Variants in LPCAT4 observed in about 807,000 individuals in gnomAD.
The protein encoded by LPCAT4 is lysophospholipid acyltransferase LPCAT4.
LPCAT4 carries 30 observed loss-of-function variants against 66.5 expected under a neutral mutation model. The observed-to-expected ratio is 0.45, with a 90% CI of 0.34 to 0.61. LPCAT4 has a LOEUF of 0.61. LPCAT4 is among the 20% of genes least tolerant of loss of function. The pLI is 0.01. For synonymous variants in LPCAT4, 253 were observed against 262.1 expected (o/e 0.97, Z 0.34); for missense variants, 557 against 656.7 (o/e 0.85, Z 1.66).
At chr15:34,362,108 C>G in intron 10 of LPCAT4, 88 bp downstream of exon 10, 25 of 1,484,460 alleles carry the variant, frequency 1.7e-5, no homozygotes, top group Middle Eastern at 1.8e-4. Context: ...TTAAGATTTT[C>G]CTTCTTCCTT....
At chr15:34,364,954 CTT>C (rs1891040566) in intron 3 of LPCAT4, 52 bp downstream of exon 3, 1 of 1,506,348 alleles carries the variant, frequency 6.6e-7, no homozygotes, top group African/African-American at 1.4e-5. Context: ...CCATTCCTGA[CTT>C]TTTTTGCCCA....
chr15:34,361,329 C>G (rs566382601), intron 11 of LPCAT4, 71 bp downstream of exon 11: 30 of 1,591,712 alleles, frequency 1.9e-5, no homozygotes, highest in East Asian at 1.8e-4. Context: ...GTGACTGATA[C>G]GGCCACTAGG....
intron 11 of LPCAT4, 192 bp downstream of exon 11, chr15:34,361,208 T>C (rs1396388073): frequency 6.1e-6 from 9 of 1,463,764 alleles, no homozygotes; most frequent in Non-Finnish European, 8.1e-6. Context: ...ATGATAACAT[T>C]GCTCTTCAAT....
Position 34,367,182 on chromosome 15 carries a change from C to CTCTGCAGA in LPCAT4, c.-83_-82insTCTGCAGA. Reference sequence around the variant, plus strand: ...AGAGCAGCTGCTGCTGCAGCAGCGGCGGCGGCGGCGCTCTGGCCCGGGCCC... The same window carrying CTCTGCAGA: ...AGAGCAGCTGCTGCTGCAGCAGCGGCTCTGCAGAGGCGGCGGCGCTCTGGCCCGGGCCC... On this transcript the variant is annotated 5_prime_UTR_variant, in exon 1 of 14. Transcript: ENST00000314891. The CTCTGCAGA allele has an allele frequency of 1.6e-6, 2 of 1,238,860 alleles. No homozygotes were observed. Among genetic ancestry groups the CTCTGCAGA allele is most frequent in the Non-Finnish European group, 2.1e-6 (2 of 967,104 alleles). 76.7% of individuals were successfully genotyped at this position (1,238,860 alleles called of 1,614,324 possible).
intron 9 of LPCAT4, 113 bp downstream of exon 9, chr15:34,362,460 C>A (rs985844525): frequency 6.4e-6 from 9 of 1,398,172 alleles, no homozygotes; most frequent in African/African-American, 1.4e-5. Flanking sequence ...TGTTCAAGAG[C>A]CCTTCCCACT....
chr15:34,360,729 G>A (rs778488570), intron 11 of LPCAT4, among the ~76,000 whole-genome samples: 5 of 152,286 alleles, frequency 3.3e-5, no homozygotes, highest in South Asian at 2.1e-4. Context: ...GGGACAGTCC[G>A]CCTCAATCTA....
At chr15:34,366,037 A>G (rs1250643937) in intron 1 of LPCAT4, 1 of 224,708 alleles carries the variant, frequency 4.5e-6, no homozygotes, top group Admixed American at 5.1e-5. Flanking sequence ...CTTGATGTAC[A>G]GTAGGTTAGA....
At chr15:34,364,789 G>C in intron 3 of LPCAT4, 1 of 545,598 alleles carries the variant, frequency 1.8e-6, no homozygotes, top group Non-Finnish European at 3.3e-6. Flanking sequence ...CTTTATAGTA[G>C]TTGTCCTTTT....
chr15:34,365,759 T>C, intron 1 of LPCAT4, 58 bp from the exon 2 acceptor site: 1 of 1,584,630 alleles, frequency 6.3e-7, no homozygotes, highest in South Asian at 1.1e-5. Context: ...CTCCACAGCA[T>C]CCTTCTTCCA....
chr15:34,365,194 G>A lies in LPCAT4; in HGVS notation c.292C>T (p.Arg98Cys), dbSNP rs1319477888. 3 of 1,612,896 alleles carry A rather than the reference G, an allele frequency of 1.9e-6. No homozygotes were observed. The highest frequency in any genetic ancestry group is 2.5e-6 in the Non-Finnish European group (3 of 1,179,528). ...AAGCCCAGCAGGAAAAACAGCAGGCGGCTCAGGCCTAGCACCCCGTTGTGG... is the reference window on the plus strand; with the variant it reads ...AAGCCCAGCAGGAAAAACAGCAGGCAGCTCAGGCCTAGCACCCCGTTGTGG... ...VCHNGVLGLS[R>C]LLFFLLGFLR... Residue 98 changes from arginine (R) to cysteine (C), a missense_variant, in exon 3 of 14, where the codon CGC becomes TGC. By Grantham distance (180) the Arg-to-Cys change is radical. Transcript: ENST00000314891.
Position 34,359,684 on chromosome 15 carries a change from G to A in LPCAT4, c.1304C>T (p.Thr435Ile). The A allele has an allele frequency of 6.2e-7, 1 of 1,613,812 alleles. No individual in the cohort carries two copies. Among genetic ancestry groups the A allele is most frequent in the Non-Finnish European group, 8.5e-7 (1 of 1,179,992 alleles). The change falls in exon 13 of 14, where the codon ACC becomes ATC. Residue 435 changes from threonine to isoleucine, a missense_variant. Coordinates refer to ENST00000314891, the MANE Select transcript of LPCAT4 (RefSeq NM_153613.3). ...NRLLYKDGFSTILHLLLGSPH... is the reference protein window; with the variant it reads ...NRLLYKDGFSIILHLLLGSPH... Reference sequence around the variant, plus strand: ...TGAACCCAGCAGCAGGTGCAGGATGGTGCTGAAGCCGTCTTTGTACAGCAG... The same window carrying A: ...TGAACCCAGCAGCAGGTGCAGGATGATGCTGAAGCCGTCTTTGTACAGCAG...
intron 12 of LPCAT4, 111 bp from the exon 13 acceptor site, chr15:34,359,856 C>G: frequency 8.8e-7 from 1 of 1,135,642 alleles, no homozygotes; most frequent in Non-Finnish European, 1.2e-6. Context: ...GGTGCACAAG[C>G]CTTCCCTGAC....
rs762321039 is a variant in LPCAT4 at position 34,359,217 on chromosome 15, G to A, written c.1485C>T (p.Gly495=). 3.2e-5 allele frequency: 51 copies of A among 1,592,342 alleles called. No individual in the cohort carries two copies. Among genetic ancestry groups the A allele is most frequent in the Non-Finnish European group, 3.8e-5 (44 of 1,169,214 alleles). The change falls in exon 14 of 14, where the codon GGC becomes GGT. Residue 495 remains glycine, a synonymous_variant. Transcript: ENST00000314891. ...ATGAGGCATTTGGTGTCTGGGAGGT[G>A]CCTCGAGAGGTGTGTGGGGGGCGCA... The part of the protein sequence containing the change: ...TYLRPPHTSR[G]TSQTPNASSP...
intron 1 of LPCAT4, 116 bp from the exon 2 acceptor site, chr15:34,365,817 AGGTGG>A (rs1264629176): frequency 2.3e-6 from 3 of 1,281,176 alleles, no homozygotes; most frequent in Non-Finnish European, 3.2e-6. Context: ...TGCATGTGAC[AGGTGG>A]TGTGGGAACA....
In LPCAT4 at chr15:34,359,085, C is replaced by T. The variant is rs769544753; in HGVS notation, c.*42G>A. ...TGGGGCTGAGGCATAGGGGAGGCCC[C>T]TAGCGCTGCCCTGAGGAGGAGGGGG... is the stretch of plus-strand genomic sequence containing the variant. On this transcript the variant is annotated 3_prime_UTR_variant, in exon 14 of 14. Transcript: ENST00000314891. 6.4e-7 allele frequency: 1 copy of T among 1,556,234 alleles called. No individual in the cohort carries two copies. Among genetic ancestry groups the T allele is most frequent in the South Asian group, 1.2e-5 (1 of 85,522 alleles).
At chr15:34,362,866 A>G (rs749601930) in intron 7 of LPCAT4, 30 bp from the exon 8 acceptor site, 4 of 1,610,900 alleles carry the variant, frequency 2.5e-6, no homozygotes, top group Non-Finnish European at 3.4e-6. Context: ...GATACTCACC[A>G]ATCTCTAACT....
rs1453328811 is a variant in LPCAT4 at position 34,363,490 on chromosome 15, A to G, written c.712-34T>C. 1.2e-6 allele frequency: 2 copies of G among 1,613,680 alleles called. No homozygotes were observed. The highest frequency in any genetic ancestry group is 1.1e-5 in the South Asian group (1 of 91,040). On this transcript the variant is annotated intron_variant, in intron 6 of 13. Transcript: ENST00000314891. This position sits in a 1 kb window ranked among gnomAD's most constrained non-coding sequence, Gnocchi z 4.3. ...GAAACACAGGTGAGGGCATAAGAGC[A>G]TTACTTTTTCCCCCTGGAACTGGCC...
intron 9 of LPCAT4, 78 bp from the exon 10 acceptor site, chr15:34,362,399 G>C: frequency 6.4e-7 from 1 of 1,565,908 alleles, no homozygotes. Flanking sequence ...ACCCTGGCCC[G>C]CTGACTGGAG....
intron 7 of LPCAT4, 49 bp from the exon 8 acceptor site, chr15:34,362,885 C>T (rs575984540): frequency 1.9e-6 from 3 of 1,588,354 alleles, no homozygotes; most frequent in African/African-American, 2.7e-5. Context: ...CTATGGGCTC[C>T]TTCCCTGGCT....
Sources: allele counts gnomAD v4.1 joint callset (sites outside exome capture counted in the v4.1 genomes callset), GRCh38; gene constraint gnomAD v4.1.1; non-coding constraint Gnocchi (gnomAD v3.1); transcripts MANE v1.5; gene names NCBI Gene and HGNC (gene_info 2026-07-23, HGNC 2026-07-21).